Variants in SGSM3 observed in about 807,000 individuals in gnomAD.
The protein encoded by SGSM3 is RUN and SH3 containing 3.
Under a neutral mutation model 100.5 loss-of-function variants are expected in SGSM3, and 96 were observed. The ratio of observed to expected loss-of-function variants is 0.96; its 90% confidence interval spans 0.81 to 1.13. The LOEUF is 1.13. SGSM3 is among the 50% of genes most tolerant of loss of function. The pLI, the probability that SGSM3 is intolerant of heterozygous loss-of-function variation, is 0.00. For missense variants in SGSM3, 1,001 were observed against 1,015.8 expected (o/e 0.99, Z 0.20); for synonymous variants, 483 against 422.8 (o/e 1.14, Z -1.75).
chr22:40,382,496 A>G (rs951746302), intron 1 of SGSM3, among the ~76,000 whole-genome samples: 1 of 152,136 alleles, frequency 6.6e-6, no homozygotes, highest in African/African-American at 2.4e-5. Flanking sequence ...TGACCTCTCC[A>G]TGTTACCTTA....
intron 8 of SGSM3, 69 bp downstream of exon 8, chr22:40,405,913 G>C: frequency 1.3e-6 from 2 of 1,518,388 alleles, no homozygotes; most frequent in Admixed American, 1.8e-5. Flanking sequence ...GCCGAGTGGG[G>C]ATAGGGCACA....
At chr22:40,383,615 G>A (rs1178619016) in intron 1 of SGSM3, among the ~76,000 whole-genome samples, 1 of 152,078 alleles carries the variant, frequency 6.6e-6, no homozygotes, top group Admixed American at 6.6e-5. Flanking sequence ...TCTTAGCAGA[G>A]GACACAATAT....
At position 40,406,301 on chromosome 22, in the gene SGSM3, C is replaced by T. The variant is rs1043211078; in HGVS notation, c.960+78C>T. On this transcript the variant is annotated intron_variant, in intron 9 of 21. Coordinates refer to ENST00000248929, the MANE Select transcript of SGSM3 (RefSeq NM_015705.6). Reference sequence around the variant, plus strand: ...AGGGGAGCAAGAGACCTCCCTGGGCCAGGCAAGACCAGCCCCCTGGCCCCT... The same window carrying T: ...AGGGGAGCAAGAGACCTCCCTGGGCTAGGCAAGACCAGCCCCCTGGCCCCT... The T allele has an allele frequency of 2.5e-6, 4 of 1,574,906 alleles. No individual in the cohort carries two copies. The African/African-American group carries it at 4.1e-5, about 16-fold the overall frequency.
chr22:40,410,261 A>G lies in SGSM3; in HGVS notation c.*502A>G, dbSNP rs1349036103. On this transcript the variant is annotated 3_prime_UTR_variant, in exon 22 of 22. Transcript: ENST00000248929. ...CCCAGCTGTGCTACCCACCCCTTCC[A>G]TGGACTGAATAAGATGGACTAACAG... 4 of 797,686 alleles carry G rather than the reference A, an allele frequency of 5.0e-6. No homozygotes were observed. Among genetic ancestry groups the G allele is most frequent in the East Asian group, 5.7e-5 (1 of 17,412 alleles). 49.4% of individuals were successfully genotyped at this position (797,686 alleles called of 1,614,324 possible). A position where few individuals can be genotyped will look rare whatever the true frequency, so the allele number is the denominator to read the frequency against.
rs766541882 is a variant in SGSM3, at chr22:40,406,495, A to C, written c.1018A>C (p.Ile340Leu). ...CTCCATCTTCAACACGCTATCGGATATCCCGTCGCAGATGGAGGACGCGGA... is the reference window on the plus strand; with the variant it reads ...CTCCATCTTCAACACGCTATCGGATCTCCCGTCGCAGATGGAGGACGCGGA... ...SASIFNTLSDIPSQMEDAELL... is the reference protein window; with the variant it reads ...SASIFNTLSDLPSQMEDAELL... Residue 340 changes from isoleucine (I) to leucine (L), a missense_variant, in exon 10 of 22, where the codon ATC (isoleucine) becomes CTC (leucine). By Grantham distance (5) the Ile-to-Leu change is conservative (BLOSUM62 2). Transcript: ENST00000248929. 1.2e-6 allele frequency: 2 copies of C among 1,611,048 alleles called. No individual in the cohort carries two copies. The highest frequency in any genetic ancestry group is 1.8e-4 in the Middle Eastern group (1 of 5,644).
At chr22:40,383,416 G>A (rs1008382891) in intron 1 of SGSM3, among the ~76,000 whole-genome samples, 6 of 150,076 alleles carry the variant, frequency 4.0e-5, no homozygotes, top group Non-Finnish European at 8.9e-5. Context: ...GCAGTGAGCC[G>A]AGATCACGCC....
chr22:40,406,510 G>C lies in SGSM3; in HGVS notation c.1033G>C (p.Glu345Gln). The change falls in exon 10 of 22, where the codon GAG (glutamate) becomes CAG (glutamine). Residue 345 changes from glutamate (E) to glutamine (Q), a missense_variant. Physicochemically the swap from Glu to Gln is conservative, Grantham distance 29. Coordinates refer to ENST00000248929, the MANE Select transcript of SGSM3 (RefSeq NM_015705.6). ...NTLSDIPSQM[E>Q]DAELLLGVAM... ...GCTATCGGATATCCCGTCGCAGATG[G>C]AGGACGCGGAGCTGCTTCTGGGGGT... 1 of 1,612,508 alleles carries C rather than the reference G, an allele frequency of 6.2e-7. No individual in the cohort carries two copies. The highest frequency in any genetic ancestry group is 8.5e-7 in the Non-Finnish European group (1 of 1,179,600).
At chr22:40,404,712 C>T (rs761862910) in intron 6 of SGSM3, 48 bp downstream of exon 6, 9 of 1,380,918 alleles carry the variant, frequency 6.5e-6, no homozygotes, top group South Asian at 4.8e-5. Context: ...TGTGTGGGCT[C>T]GCAGGAGAGA....
At chr22:40,400,410 G>T (rs191545443) in intron 1 of SGSM3, among the ~76,000 whole-genome samples, 1 of 152,268 alleles carries the variant, frequency 6.6e-6, no homozygotes, top group Admixed American at 6.5e-5. Flanking sequence ...TTGGGAGGCC[G>T]AGGCCGGCGG....
At chr22:40,389,361 A>C (rs924442998) in intron 1 of SGSM3, among the ~76,000 whole-genome samples, 1 of 152,002 alleles carries the variant, frequency 6.6e-6, no homozygotes. Flanking sequence ...GCGCTTTGGG[A>C]GGCCGAGGCG....
rs1267950293 is a variant in SGSM3 at position 40,397,906 on chromosome 22, T to C, written c.-111-2790T>C. Among the ~76,000 whole-genome samples, 3 of 152,258 alleles carry C rather than the reference T, an allele frequency of 2.0e-5. No homozygotes were observed. In the East Asian group the frequency reaches 5.8e-4, roughly 29 times the overall value. On this transcript the variant is annotated intron_variant, in intron 1 of 21. Transcript: ENST00000248929. Reference sequence around the variant, plus strand: ...CTGATAGTCTCCACACCTTGACCTTTATTTTTCCTCACAGCATTGTAGTTA... The same window carrying C: ...CTGATAGTCTCCACACCTTGACCTTCATTTTTCCTCACAGCATTGTAGTTA...
chr22:40,391,159 G>C (rs1016168373), intron 1 of SGSM3, among the ~76,000 whole-genome samples: 1 of 152,180 alleles, frequency 6.6e-6, no homozygotes, highest in Admixed American at 6.5e-5. Flanking sequence ...GGTTCTCAAA[G>C]TGTGTTCCCT....
At chr22:40,398,105 C>T (rs1283583238) in intron 1 of SGSM3, among the ~76,000 whole-genome samples, 1 of 151,488 alleles carries the variant, frequency 6.6e-6, no homozygotes, top group Non-Finnish European at 1.5e-5. Flanking sequence ...GTAGCTGGGA[C>T]TACAGGCACA....
chr22:40,402,170 A>G lies in SGSM3; in HGVS notation c.122A>G (p.Tyr41Cys). 6.2e-7 allele frequency: 1 copy of G among 1,614,092 alleles called. No homozygotes were observed. Among genetic ancestry groups the G allele is most frequent in the Non-Finnish European group, 8.5e-7 (1 of 1,179,906 alleles). The change falls in exon 4 of 22, where the codon TAC (tyrosine) becomes TGC (cysteine). Residue 41 changes from tyrosine to cysteine, a missense_variant. By Grantham distance (194) the Tyr-to-Cys change is radical (BLOSUM62 -2). Transcript: ENST00000248929. Reference protein sequence around the residue: ...KEESAEQPEFYYDEFGFRVYK... With the variant: ...KEESAEQPEFCYDEFGFRVYK... Reference sequence around the variant, plus strand: ...GAGTCAGCAGAGCAACCAGAGTTCTACTACGATGAGTTTGGTTTCCGTGTG... The same window carrying G: ...GAGTCAGCAGAGCAACCAGAGTTCTGCTACGATGAGTTTGGTTTCCGTGTG...
At chr22:40,405,977 C>T in intron 8 of SGSM3, 101 bp from the exon 9 acceptor site, 1 of 1,510,858 alleles carries the variant, frequency 6.6e-7, no homozygotes, top group Non-Finnish European at 9.0e-7. Context: ...TCCCTGCCCC[C>T]TCCCCTCCTT....
At chr22:40,397,598 C>T (rs774274670) in intron 1 of SGSM3, among the ~76,000 whole-genome samples, 4 of 152,178 alleles carry the variant, frequency 2.6e-5, no homozygotes, top group Non-Finnish European at 2.9e-5. Flanking sequence ...GCCCAGAATC[C>T]ACCACACTGT....
chr22:40,383,391 TG>T (rs1203353050), intron 1 of SGSM3, among the ~76,000 whole-genome samples: 2 of 148,508 alleles, frequency 1.3e-5, no homozygotes, highest in Non-Finnish European at 3.0e-5. Flanking sequence ...GGCGTGAACC[TG>T]GGAGGTGGAG....
At chr22:40,390,569 T>G (rs1207305482) in intron 1 of SGSM3, 3 of 152,248 alleles carry the variant, frequency 2.0e-5, no homozygotes, top group Non-Finnish European at 4.4e-5. Flanking sequence ...TAGGATAAAT[T>G]TCCAGAAGCG....
intron 1 of SGSM3, among the ~76,000 whole-genome samples, chr22:40,399,505 G>A (rs1468153368): frequency 6.6e-6 from 1 of 152,228 alleles, no homozygotes; most frequent in African/African-American, 2.4e-5. Flanking sequence ...GCAGGGCAAA[G>A]TTTTGGGAGT....
Sources: allele counts gnomAD v4.1 joint callset (sites outside exome capture counted in the v4.1 genomes callset), GRCh38; gene constraint gnomAD v4.1.1; transcripts MANE v1.5; gene names NCBI Gene and HGNC (gene_info 2026-07-23, HGNC 2026-07-21).